The following DPYD variants were observed in gnomAD, a reference collection of about 807,000 sequenced individuals.
DPYD encodes the protein dihydropyrimidine dehydrogenase.
In DPYD, 109 loss-of-function variants were observed where a neutral mutation model predicts 116.2. The ratio of observed to expected loss-of-function variants is 0.94; its 90% CI spans 0.80 to 1.10. DPYD has a LOEUF of 1.10. Among genes scored for constraint, DPYD ranks in the 50% least tolerant of loss-of-function variants. DPYD has a pLI of 0.00. For synonymous variants in DPYD, 440 were observed against 432.0 expected, an observed-to-expected ratio of 1.02 and a Z score of -0.23; for missense variants, 1,302 against 1,254.5, an observed-to-expected ratio of 1.04 and a Z score of -0.57.
chr1:97,908,750 C>T lies in DPYD; in HGVS notation c.39+12134G>A, dbSNP rs576991382. 2.7e-3 allele frequency among the ~76,000 whole-genome samples: 411 copies of T among 152,202 alleles called. 1 individual carries two copies. Among genetic ancestry groups the T allele is most frequent in the Non-Finnish European group, 4.0e-3 (271 of 67,978 alleles). The stretch of plus-strand genomic sequence containing the variant: ...ATTCCACTTTCCAAGAATTATCTGA[C>T]CTTCCTGAAACCATCAATCCATGGA... On this transcript the variant is annotated intron_variant, in intron 1 of 22. Coordinates refer to ENST00000370192, the MANE Select transcript of DPYD (RefSeq NM_000110.4).
At chr1:97,539,754 C>G (rs922915565) in intron 12 of DPYD, among the ~76,000 whole-genome samples, 3 of 152,152 alleles carry the variant, frequency 2.0e-5, no homozygotes, top group Non-Finnish European at 4.4e-5. Flanking sequence ...AGCTCCTTCT[C>G]AGGACTACCA....
intron 5 of DPYD, among the ~76,000 whole-genome samples, chr1:97,711,906 T>C (rs1426652902): frequency 6.6e-6 from 1 of 152,062 alleles, no homozygotes; most frequent in African/African-American, 2.4e-5. Flanking sequence ...TTGTTTCTTT[T>C]ATCTTTCTTT....
chr1:97,166,279 G>A (rs1303653273), intron 20 of DPYD, among the ~76,000 whole-genome samples: 1 of 152,148 alleles, frequency 6.6e-6, no homozygotes, highest in South Asian at 2.1e-4. Context: ...ATCATGTCCT[G>A]TGCAGGAACA....
intron 5 of DPYD, among the ~76,000 whole-genome samples, chr1:97,705,931 T>C (rs1352935694): frequency 2.0e-5 from 3 of 152,146 alleles, no homozygotes; most frequent in Non-Finnish European, 4.4e-5. Flanking sequence ...ATAAATGTCT[T>C]CTTTTGAGAA....
rs1024236846 is a variant in DPYD, at chr1:97,084,512, T to C, written c.2767-2042A>G. Among the ~76,000 whole-genome samples the C allele has an allele frequency of 5.3e-5, 8 of 152,182 alleles. No homozygotes were observed. The South Asian group carries it at 1.5e-3, about 28-fold the overall frequency. Reference sequence around the variant, plus strand: ...TATCCTCTTTCTTAAAAATTTTTTTTGATGGCCAATATCTATTATATGGAA... The same window carrying C: ...TATCCTCTTTCTTAAAAATTTTTTTCGATGGCCAATATCTATTATATGGAA... On this transcript the variant is annotated intron_variant, in intron 21 of 22. Coordinates refer to ENST00000370192, the MANE Select transcript of DPYD (RefSeq NM_000110.4).
intron 3 of DPYD, among the ~76,000 whole-genome samples, chr1:97,744,967 A>T (rs1044066596): frequency 6.6e-6 from 1 of 152,088 alleles, no homozygotes; most frequent in Non-Finnish European, 1.5e-5. Flanking sequence ...GGTATCTTTA[A>T]AACATGATAG....
intron 4 of DPYD, among the ~76,000 whole-genome samples, chr1:97,731,531 C>G (rs980993863): frequency 2.6e-4 from 39 of 152,066 alleles, no homozygotes; most frequent in African/African-American, 9.4e-4. Context: ...AATGTTCCAG[C>G]CTTTTATATT....
intron 19 of DPYD, among the ~76,000 whole-genome samples, chr1:97,220,159 A>C (rs1472153223): frequency 6.6e-6 from 1 of 152,148 alleles, no homozygotes; most frequent in East Asian, 1.9e-4. Flanking sequence ...TGATTGGATC[A>C]TGACAGCTCT....
intron 20 of DPYD, among the ~76,000 whole-genome samples, chr1:97,191,959 A>T (rs561967507): frequency 1.3e-5 from 2 of 152,318 alleles, no homozygotes; most frequent in African/African-American, 4.8e-5. Flanking sequence ...CAATATTATA[A>T]ATATTAATGT....
At chr1:97,640,337 C>T (rs546475177) in intron 8 of DPYD, among the ~76,000 whole-genome samples, 17 of 151,768 alleles carry the variant, frequency 1.1e-4, no homozygotes, top group East Asian at 5.8e-4. Context: ...TTATTTTTGA[C>T]GGAGTCTCTC....
At chr1:97,648,814 T>G (rs1658413392) in intron 8 of DPYD, among the ~76,000 whole-genome samples, 1 of 152,040 alleles carries the variant, frequency 6.6e-6, no homozygotes, top group South Asian at 2.1e-4. Context: ...GTTAAGTAAC[T>G]TTTTAATCAT....
At chr1:97,579,555 T>C (rs554650139) in intron 10 of DPYD, among the ~76,000 whole-genome samples, 1 of 152,360 alleles carries the variant, frequency 6.6e-6, no homozygotes, top group South Asian at 2.1e-4. Flanking sequence ...ACATGCAGCG[T>C]TACTGTTTAA....
intron 20 of DPYD, among the ~76,000 whole-genome samples, chr1:97,181,372 T>C (rs186274859): frequency 2.0e-5 from 3 of 152,226 alleles, no homozygotes; most frequent in South Asian, 2.1e-4. Context: ...TAAATTCAGA[T>C]GTTAACTTTT....
intron 13 of DPYD, among the ~76,000 whole-genome samples, chr1:97,485,294 C>T (rs567534266): frequency 2.6e-5 from 4 of 152,274 alleles, no homozygotes; most frequent in South Asian, 2.1e-4. Flanking sequence ...CTCCACCTCC[C>T]GGGTTCAAGC....
At chr1:97,431,227 G>A (rs1215082917) in intron 14 of DPYD, among the ~76,000 whole-genome samples, 1 of 151,928 alleles carries the variant, frequency 6.6e-6, no homozygotes, top group Non-Finnish European at 1.5e-5. Context: ...CTAAAATAAT[G>A]TCTGGCATTT....
chr1:97,494,402 G>C (rs1205789387), intron 13 of DPYD, among the ~76,000 whole-genome samples: 2 of 152,096 alleles, frequency 1.3e-5, no homozygotes, highest in African/African-American at 4.8e-5. Context: ...GAACTGAAAA[G>C]AGCTGATAGC....
intron 14 of DPYD, among the ~76,000 whole-genome samples, chr1:97,405,077 AT>A (rs1673582161): frequency 6.6e-6 from 1 of 151,946 alleles, no homozygotes; most frequent in African/African-American, 2.4e-5. Context: ...TAATAAAAAA[AT>A]CATATCCTCC....
chr1:97,182,623 C>T (rs949447180), intron 20 of DPYD, among the ~76,000 whole-genome samples: 2 of 151,982 alleles, frequency 1.3e-5, no homozygotes, highest in African/African-American at 4.8e-5. Context: ...ACTGTGGGGA[C>T]AAAGCTGTAA....
At chr1:97,605,786 T>C (rs1232864519) in intron 8 of DPYD, among the ~76,000 whole-genome samples, 1 of 152,062 alleles carries the variant, frequency 6.6e-6, no homozygotes, top group Non-Finnish European at 1.5e-5. Flanking sequence ...CTGACTGGCA[T>C]ATGGAAAATG....
Sources: allele counts gnomAD v4.1 joint callset (sites outside exome capture counted in the v4.1 genomes callset), GRCh38; gene constraint gnomAD v4.1.1; transcripts MANE v1.5; gene names NCBI Gene and HGNC (gene_info 2026-07-23, HGNC 2026-07-21).